EMB: variants seen among roughly 807,000 people sequenced by gnomAD.
EMB encodes embigin homolog.
A neutral mutation model predicts 41.4 loss-of-function variants in EMB; 31 were observed. That is an observed-to-expected ratio of 0.75 (90% CI 0.56 to 1.01). The LOEUF is 1.01. Among genes scored for constraint, EMB ranks in the 50% least tolerant of loss-of-function variants. The pLI, the probability that EMB is intolerant of heterozygous loss-of-function variation, is 0.00. For synonymous variants in EMB, 137 were observed against 140.4 expected (o/e 0.98, Z 0.17); for missense variants, 379 against 388.3 (o/e 0.98, Z 0.20).
chr5:50,405,980 A>G, intron 4 of EMB, 128 bp from the exon 5 acceptor site: 1 of 1,306,962 alleles, frequency 7.7e-7, no homozygotes, highest in Middle Eastern at 2.3e-4. Flanking sequence ...TTATATATCA[A>G]TGAAACTAAT....
chr5:50,400,197 T>C (rs186865317), intron 7 of EMB, among the ~76,000 whole-genome samples: 19 of 152,116 alleles, frequency 1.2e-4, no homozygotes, highest in Admixed American at 5.3e-4. Flanking sequence ...GACCATAACT[T>C]ATGTGTGGTT....
chr5:50,434,475 T>C (rs914851820), intron 1 of EMB, among the ~76,000 whole-genome samples: 5 of 152,170 alleles, frequency 3.3e-5, no homozygotes, highest in African/African-American at 1.2e-4. Context: ...GGACTTTTTA[T>C]GAAGAAAAAC....
intron 2 of EMB, among the ~76,000 whole-genome samples, chr5:50,427,820 A>G (rs1464247923): frequency 6.6e-6 from 1 of 152,224 alleles, no homozygotes; most frequent in Non-Finnish European, 1.5e-5. Flanking sequence ...TTCTTGACCT[A>G]GAGTGATGTA....
At chr5:50,402,056 C>T (rs1330377619) in intron 7 of EMB, among the ~76,000 whole-genome samples, 1 of 151,860 alleles carries the variant, frequency 6.6e-6, no homozygotes, top group African/African-American at 2.4e-5. Flanking sequence ...ATTATTAAAT[C>T]CATTTTGTAG....
chr5:50,427,284 T>C lies in EMB; in HGVS notation c.196+860A>G, dbSNP rs574414290. On this transcript the variant is annotated intron_variant, in intron 2 of 8. Coordinates refer to ENST00000303221, the MANE Select transcript of EMB (RefSeq NM_198449.3). The stretch of plus-strand genomic sequence containing the variant: ...TTCATCTCGATATTTTTATTTTACA[T>C]TGACACTAAAAATTATAAATATATC... Among the ~76,000 whole-genome samples the C allele has an allele frequency of 1.5e-4, 23 of 152,272 alleles. 1 individual carries two copies. Among genetic ancestry groups the C allele is most frequent in the African/African-American group, 5.3e-4 (22 of 41,572 alleles).
In EMB at chr5:50,440,113, CAT is replaced by C. The variant is rs201108935; in HGVS notation, c.112+925_112+926del. 5.5e-4 allele frequency among the ~76,000 whole-genome samples: 84 copies of C among 152,288 alleles called. 1 individual carries two copies. The East Asian group carries it at 0.013, about 23-fold the overall frequency. ...AAAATCTCACACATACACACACACACATGCACACACACATTTTGTTTTCAAAG... is the reference window on the plus strand; with the variant it reads ...AAAATCTCACACATACACACACACACGCACACACACATTTTGTTTTCAAAG... On this transcript the variant is annotated intron_variant, in intron 1 of 8. Transcript: ENST00000303221.
rs189200199 is a variant in EMB, at chr5:50,408,959, T to C, written c.472+1918A>G. Among the ~76,000 whole-genome samples the C allele has an allele frequency of 1.5e-3, 230 of 152,204 alleles. 1 individual carries two copies. Among genetic ancestry groups the C allele is most frequent in the Non-Finnish European group, 2.7e-3 (183 of 67,984 alleles). On this transcript the variant is annotated intron_variant, in intron 4 of 8. Transcript: ENST00000303221. The stretch of plus-strand genomic sequence containing the variant: ...CCAACTTATTAATTTTATAAATATC[T>C]TCAAGATATAATACATACTTAAAAG...
intron 1 of EMB, among the ~76,000 whole-genome samples, chr5:50,439,314 TTTTC>T (rs761148065): frequency 3.3e-4 from 50 of 151,602 alleles, no homozygotes; most frequent in South Asian, 4.2e-4. Context: ...TTCTGTTTCT[TTTTC>T]TTTCTTTTTT....
intron 2 of EMB, among the ~76,000 whole-genome samples, chr5:50,414,957 A>C (rs1259302671): frequency 2.0e-5 from 3 of 152,158 alleles, no homozygotes. Context: ...TTCAACTATT[A>C]ACTCTAATGC....
chr5:50,440,012 A>G (rs957188544), intron 1 of EMB, among the ~76,000 whole-genome samples: 1 of 152,208 alleles, frequency 6.6e-6, no homozygotes, highest in Non-Finnish European at 1.5e-5. Context: ...TAGAATGGCA[A>G]CTTTCGTGTT....
chr5:50,431,544 T>C (rs1451202837), intron 1 of EMB, among the ~76,000 whole-genome samples: 2 of 152,172 alleles, frequency 1.3e-5, no homozygotes, highest in Non-Finnish European at 2.9e-5. Context: ...TGACTGTTAC[T>C]TAGGGTTTCC....
intron 2 of EMB, among the ~76,000 whole-genome samples, chr5:50,418,331 C>T (rs564334074): frequency 5.9e-5 from 9 of 152,210 alleles, no homozygotes; most frequent in Non-Finnish European, 1.2e-4. Flanking sequence ...CAACCAGAAT[C>T]CGAACACCCT....
intron 2 of EMB, among the ~76,000 whole-genome samples, chr5:50,421,695 C>A (rs1250057395): frequency 6.6e-6 from 1 of 151,762 alleles, no homozygotes; most frequent in Admixed American, 6.6e-5. Flanking sequence ...CACATATACA[C>A]CATGGAATAC....
At chr5:50,417,394 T>C (rs188372037) in intron 2 of EMB, among the ~76,000 whole-genome samples, 1 of 152,324 alleles carries the variant, frequency 6.6e-6, no homozygotes, top group African/African-American at 2.4e-5. Flanking sequence ...ATAATACTAA[T>C]CCCTTGATTC....
At chr5:50,434,460 T>A (rs956435309) in intron 1 of EMB, among the ~76,000 whole-genome samples, 1 of 152,180 alleles carries the variant, frequency 6.6e-6, no homozygotes, top group Non-Finnish European at 1.5e-5. Flanking sequence ...AGGGGCCTAT[T>A]TTGAGGACTT....
At chr5:50,413,026 CACTA>C (rs1745369123) in intron 2 of EMB, among the ~76,000 whole-genome samples, 1 of 151,820 alleles carries the variant, frequency 6.6e-6, no homozygotes, top group Admixed American at 6.6e-5. Context: ...AGTTCCCAAC[CACTA>C]ACTATCCAAC....
At chr5:50,410,585 A>C (rs896899439) in intron 4 of EMB, among the ~76,000 whole-genome samples, 1 of 152,128 alleles carries the variant, frequency 6.6e-6, no homozygotes, top group Non-Finnish European at 1.5e-5. Context: ...ATGAATTTAG[A>C]GAGATAAATA....
chr5:50,406,324 T>A (rs1438187875), intron 4 of EMB, among the ~76,000 whole-genome samples: 1 of 151,654 alleles, frequency 6.6e-6, no homozygotes, highest in African/African-American at 2.4e-5. Flanking sequence ...TTAGAGAAGG[T>A]GGGAACAAGG....
intron 2 of EMB, among the ~76,000 whole-genome samples, chr5:50,417,488 AT>A (rs1297367942): frequency 6.6e-6 from 1 of 152,188 alleles, no homozygotes; most frequent in Non-Finnish European, 1.5e-5. Flanking sequence ...TCAACAAGTT[AT>A]TTACATGCCA....
Sources: gnomAD v4.1 joint callset for allele counts (sites outside exome capture counted in the v4.1 genomes callset) on GRCh38, gnomAD v4.1.1 for gene constraint, MANE v1.5 for transcripts, NCBI Gene and HGNC (gene_info 2026-07-23, HGNC 2026-07-21) for gene names.